Variants in KCNG3 observed in about 807,000 individuals in gnomAD.
KCNG3 encodes the protein potassium voltage-gated channel modifier subfamily G member 3, also known as voltage-gated potassium channel regulatory subunit KCNG3.
In KCNG3, 15 loss-of-function variants were observed where a neutral mutation model predicts 29.0. That is an observed-to-expected ratio of 0.52 (90% CI 0.35 to 0.80). The LOEUF is 0.80. KCNG3 is among the 30% of genes least tolerant of loss of function. KCNG3 has a pLI of 0.01. For missense variants in KCNG3, 512 were observed against 605.7 expected, an observed-to-expected ratio of 0.85 and a Z score of 1.62; for synonymous variants, 322 against 248.9, an observed-to-expected ratio of 1.29 and a Z score of -2.76.
chr2:42,400,798 C>G, the KCNG3 span, among the ~76,000 whole-genome samples: 3 of 151,274 alleles, frequency 2.0e-5, no homozygotes, highest in Admixed American at 2.0e-4. Flanking sequence ...TTTTTTTCCC[C>G]TATGGTATTT....
chr2:42,452,220 AATAT>A (rs869226338), intron 1 of KCNG3, among the ~76,000 whole-genome samples: 104 of 104,674 alleles, frequency 9.9e-4, no homozygotes, highest in Admixed American at 2.5e-3. Context: ...TGGGGTGGTA[AATAT>A]ATATATATAT....
At chr2:42,473,680 T>C (rs536723050) in intron 1 of KCNG3, among the ~76,000 whole-genome samples, 2 of 152,204 alleles carry the variant, frequency 1.3e-5, no homozygotes, top group South Asian at 4.1e-4. Context: ...ATTTCACAGA[T>C]TGATTTGTTC....
the KCNG3 span, among the ~76,000 whole-genome samples, chr2:42,394,122 C>A: frequency 1.3e-5 from 2 of 152,146 alleles, no homozygotes; most frequent in South Asian, 4.1e-4. Flanking sequence ...TCTGACATAA[C>A]ACTTCTGCTT....
intron 1 of KCNG3, among the ~76,000 whole-genome samples, chr2:42,445,779 T>G (rs915503228): frequency 1.3e-5 from 2 of 151,854 alleles, no homozygotes; most frequent in Non-Finnish European, 2.9e-5. Flanking sequence ...CAGGCTGGAG[T>G]GCAGTGGCAC....
chr2:42,435,625 A>G, the KCNG3 span, among the ~76,000 whole-genome samples: 1 of 152,338 alleles, frequency 6.6e-6, no homozygotes, highest in South Asian at 2.1e-4. Context: ...ACATTTCTCC[A>G]AAGAATAGAT....
the KCNG3 span, among the ~76,000 whole-genome samples, chr2:42,391,799 T>A: frequency 6.6e-6 from 1 of 151,190 alleles, no homozygotes. Flanking sequence ...AGATGGGGTT[T>A]CACCGTTTTA....
Position 42,442,114 on chromosome 2 carries a change from A to C in KCNG3, c.*1820T>G, listed in dbSNP as rs902119578. ...GCTTTAATCCAAATAGTTAAGAAAA[A>C]ATAAATCCATGCCATTTATTTCAAT... On this transcript the variant is annotated 3_prime_UTR_variant, in exon 2 of 2. Transcript: ENST00000306078. 2.0e-5 allele frequency: 3 copies of C among 152,186 alleles called. No individual in the cohort carries two copies. The highest frequency in any genetic ancestry group is 4.4e-5 in the Non-Finnish European group (3 of 68,044). The allele number at this position is 152,186 out of a possible 1,614,324, so 9.4% of individuals were successfully genotyped here.
chr2:42,440,427 TC>T (rs1323808452), downstream of KCNG3: 1 of 151,238 alleles, frequency 6.6e-6, no homozygotes, highest in Non-Finnish European at 1.5e-5. Flanking sequence ...TGAAATTCTA[TC>T]CTGAGGCTTT....
the KCNG3 span, among the ~76,000 whole-genome samples, chr2:42,399,543 T>G: frequency 1.3e-5 from 2 of 152,180 alleles, no homozygotes; most frequent in Non-Finnish European, 2.9e-5. Context: ...TATTTATTTA[T>G]TTATTTAGCC....
chr2:42,478,280 G>A (rs994299553), intron 1 of KCNG3, among the ~76,000 whole-genome samples: 9 of 152,152 alleles, frequency 5.9e-5, no homozygotes, highest in African/African-American at 2.2e-4. Context: ...ATGTTGCCCA[G>A]GTTGGAGTGC....
intron 1 of KCNG3, chr2:42,463,856 T>A: frequency 3.7e-6 from 1 of 273,842 alleles, no homozygotes; most frequent in Non-Finnish European, 7.3e-6. Context: ...GGCCTCAGTG[T>A]TGGCTGAGCC....
chr2:42,470,382 A>G, intron 1 of KCNG3: 1 of 215,576 alleles, frequency 4.6e-6, no homozygotes, highest in Non-Finnish European at 9.2e-6. Flanking sequence ...AGTCAGAAAG[A>G]TATTTGCAGT....
chr2:42,447,299 T>C (rs930965355), intron 1 of KCNG3, among the ~76,000 whole-genome samples: 1 of 151,838 alleles, frequency 6.6e-6, no homozygotes, highest in Non-Finnish European at 1.5e-5. Context: ...GATACATACA[T>C]ACACACATAT....
chr2:42,464,919 C>CA (rs1673103469), intron 1 of KCNG3, among the ~76,000 whole-genome samples: 1 of 152,034 alleles, frequency 6.6e-6, no homozygotes, highest in African/African-American at 2.4e-5. Context: ...AAAAAACAAA[C>CA]AAAAAACACT....
At chr2:42,460,736 T>G in intron 1 of KCNG3, among the ~76,000 whole-genome samples, 1 of 152,026 alleles carries the variant, frequency 6.6e-6, no homozygotes, top group East Asian at 1.9e-4. Context: ...ATTAAACAGG[T>G]ACACGACACT....
chr2:42,455,953 AATT>A (rs1672865296), intron 1 of KCNG3, among the ~76,000 whole-genome samples: 1 of 149,106 alleles, frequency 6.7e-6, no homozygotes, highest in Admixed American at 6.7e-5. Context: ...GTGCATATAT[AATT>A]ATATTACATT....
intron 1 of KCNG3, among the ~76,000 whole-genome samples, chr2:42,453,363 T>G (rs1270927695): frequency 6.6e-6 from 1 of 152,236 alleles, no homozygotes; most frequent in African/African-American, 2.4e-5. Context: ...CCAGCATTTG[T>G]TATTGTCTGT....
At chr2:42,436,130 C>T in the KCNG3 span, among the ~76,000 whole-genome samples, 1 of 152,090 alleles carries the variant, frequency 6.6e-6, no homozygotes, top group African/African-American at 2.4e-5. Flanking sequence ...AGAAGCCAGA[C>T]ACAAAAGGCC....
intron 1 of KCNG3, among the ~76,000 whole-genome samples, chr2:42,470,541 C>T (rs957265304): frequency 6.6e-6 from 1 of 152,108 alleles, no homozygotes; most frequent in Non-Finnish European, 1.5e-5. Context: ...ATTTGCAATA[C>T]ACAATCAGTA....
Sources: gnomAD v4.1 joint callset for allele counts (sites outside exome capture counted in the v4.1 genomes callset) on GRCh38, gnomAD v4.1.1 for gene constraint, MANE v1.5 for transcripts, NCBI Gene and HGNC (gene_info 2026-07-23, HGNC 2026-07-21) for gene names.